Variants in MFRP observed in about 807,000 individuals in gnomAD.
The protein encoded by MFRP is membrane frizzled-related protein.
A neutral mutation model predicts 65.8 loss-of-function variants in MFRP; 74 were observed. The observed-to-expected ratio is 1.12, with a 90% CI of 0.93 to 1.36. MFRP has a LOEUF of 1.36. Among genes scored for constraint, MFRP ranks in the 40% most tolerant of loss-of-function variants. The pLI is 0.00. For missense variants in MFRP, 838 were observed against 736.0 expected (o/e 1.14, Z -1.60); for synonymous variants, 336 against 288.3 (o/e 1.17, Z -1.68).
At position 119,340,483 on chromosome 11, in the gene MFRP, G is replaced by C. The variant is rs1295578669; in HGVS notation, c.*854-43C>G. 3.6e-6 allele frequency: 5 copies of C among 1,398,912 alleles called. No homozygotes were observed. In the African/African-American group the frequency reaches 7.3e-5, roughly 20 times the overall value. 86.7% of individuals were successfully genotyped at this position (1,398,912 alleles called of 1,614,324 possible). A position where few individuals can be genotyped will look rare whatever the true frequency, so the allele number is the denominator to read the frequency against. ...CTGGAGTCGGGACCCAGAATCCTGGGACCTGCCTCTCTCCCCACCCCGGCG... is the reference window on the plus strand; with the variant it reads ...CTGGAGTCGGGACCCAGAATCCTGGCACCTGCCTCTCTCCCCACCCCGGCG... On this transcript the variant is annotated intron_variant, in intron 13 of 14. Transcript: ENST00000619721.
In MFRP at chr11:119,345,440, C is replaced by T; in HGVS notation, c.621G>A (p.Glu207=). 1 of 1,613,930 alleles carries T rather than the reference C, an allele frequency of 6.2e-7. No individual in the cohort carries two copies. Among genetic ancestry groups the T allele is most frequent in the Non-Finnish European group, 8.5e-7 (1 of 1,180,030 alleles). ...CCTACCTGAGGAGGGGGCCTTCAGG[C>T]TCAGGGGAGAGTTCCAAGCGATCAA... ...CLFDRLELSP[E]PEGPLLRVCG... is the part of the protein sequence containing the mutation. The change falls in exon 5 of 15, where the codon GAG becomes GAA. Residue 207 remains glutamate, a synonymous_variant. Coordinates refer to ENST00000619721, the MANE Select transcript of MFRP (RefSeq NM_031433.4).
rs1182145110 is a variant in MFRP at position 119,339,589 on chromosome 11, G to C, written c.*1370C>G. The C allele has an allele frequency of 3.7e-6, 6 of 1,613,254 alleles. No homozygotes were observed. Among genetic ancestry groups the C allele is most frequent in the Non-Finnish European group, 5.1e-6 (6 of 1,180,054 alleles). ...CAAACTGCAGGCTGGCCCGGTAGAC[G>C]GTGGCATGGACGGCGAAGTAGTAGA... On this transcript the variant is annotated 3_prime_UTR_variant, in exon 15 of 15. Coordinates refer to ENST00000619721, the MANE Select transcript of MFRP (RefSeq NM_031433.4). This position sits in a 1 kb window ranked among gnomAD's most constrained non-coding sequence, Gnocchi z 5.4.
rs772919300 is a variant in MFRP at position 119,346,155 on chromosome 11, C to T, written c.162G>A (p.Arg54=). The T allele has an allele frequency of 4.4e-6, 7 of 1,590,464 alleles. No individual in the cohort carries two copies. In the African/African-American group the frequency reaches 9.4e-5, roughly 21 times the overall value. ...SYSVPAPWHG[R]RPRGLRPDCR... ...AGTCTGGCCGTAGCCCTCGAGGACGCCGACCTGCGGGTTGGCAGGTGGGGT... is the reference window on the plus strand; with the variant it reads ...AGTCTGGCCGTAGCCCTCGAGGACGTCGACCTGCGGGTTGGCAGGTGGGGT... The change falls in exon 3 of 15, where the codon CGG becomes CGA. Residue 54 remains arginine (R), a synonymous_variant. Transcript: ENST00000619721.
In MFRP at chr11:119,339,397, C is replaced by T; in HGVS notation, c.*1562G>A. The T allele has an allele frequency of 6.2e-7, 1 of 1,613,202 alleles. No homozygotes were observed. Among genetic ancestry groups the T allele is most frequent in the Non-Finnish European group, 8.5e-7 (1 of 1,179,382 alleles). Reference sequence around the variant, plus strand: ...GAAATCCGGAGAAGGTGCTGTCTGTCTTGATGCTGGCATAGATGCCAATGT... The same window carrying T: ...GAAATCCGGAGAAGGTGCTGTCTGTTTTGATGCTGGCATAGATGCCAATGT... On this transcript the variant is annotated 3_prime_UTR_variant, in exon 15 of 15. Transcript: ENST00000619721. The surrounding 1 kb of genome is among the most constrained non-coding windows in gnomAD (Gnocchi z 5.4).
At position 119,345,622 on chromosome 11, in the gene MFRP, G is replaced by A. The variant is rs761234644; in HGVS notation, c.439C>T (p.Leu147Phe). 3.1e-6 allele frequency: 5 copies of A among 1,613,668 alleles called. No individual in the cohort carries two copies. Among genetic ancestry groups the A allele is most frequent in the South Asian group, 1.1e-5 (1 of 91,072 alleles). The change falls in exon 5 of 15, where the codon CTC (leucine) becomes TTC (phenylalanine). Residue 147 changes from leucine (L) to phenylalanine (F), a missense_variant. Physicochemically the swap from Leu to Phe is conservative, Grantham distance 22. Coordinates refer to ENST00000619721, the MANE Select transcript of MFRP (RefSeq NM_031433.4). Reference protein sequence around the residue: ...SPSPQSTCGGLLSGPRGFFSS... With the variant: ...SPSPQSTCGGFLSGPRGFFSS... ...AAGAAGCCCCTTGGGCCAGAGAGGA[G>A]GCCTCCACAGGCTGCAGAGATGGAG...
In MFRP at chr11:119,339,168, C is replaced by T. The variant is rs1207106569; in HGVS notation, c.*1791G>A. The T allele has an allele frequency of 1.3e-6, 1 of 761,034 alleles. No homozygotes were observed. The highest frequency in any genetic ancestry group is 1.8e-5 in the African/African-American group (1 of 56,974). The allele number at this position is 761,034 out of a possible 1,614,324, so 47.1% of individuals were successfully genotyped here. Reference sequence around the variant, plus strand: ...TGCTGCCAGACCTGATCGCAGACAGCCACTGTTCCCATTCCTTGCCAGCAG... The same window carrying T: ...TGCTGCCAGACCTGATCGCAGACAGTCACTGTTCCCATTCCTTGCCAGCAG... On this transcript the variant is annotated 3_prime_UTR_variant, in exon 15 of 15. Transcript: ENST00000619721. This position sits in a 1 kb window ranked among gnomAD's most constrained non-coding sequence, Gnocchi z 5.4.
Position 119,344,734 on chromosome 11 carries a change from G to T in MFRP, c.796C>A (p.Arg266Ser), listed in dbSNP as rs138295825. 1.2e-6 allele frequency: 2 copies of T among 1,613,878 alleles called. No homozygotes were observed. Among genetic ancestry groups the T allele is most frequent in the South Asian group, 1.1e-5 (1 of 91,092 alleles). ...AGCAGGCAGATGAGCTGGTCACAGC[G>T]GAACTCATCATGGGCACAGCTCCCT... ...GRGSCAHDEF[R>S]CDQLICLLPD... The change falls in exon 7 of 15, where the codon CGC becomes AGC. Residue 266 changes from arginine to serine, a missense_variant. Arg to Ser is a moderately radical substitution (Grantham distance 110, BLOSUM62 -1). Transcript: ENST00000619721.
In MFRP at chr11:119,346,323, G is replaced by T. The variant is rs757302259; in HGVS notation, c.106C>A (p.Pro36Thr). 6.2e-7 allele frequency: 1 copy of T among 1,614,044 alleles called. No homozygotes were observed. The highest frequency in any genetic ancestry group is 8.5e-7 in the Non-Finnish European group (1 of 1,179,994). The change falls in exon 2 of 15, where the codon CCC (proline) becomes ACC (threonine). Residue 36 changes from proline to threonine, a missense_variant. By Grantham distance (38) the Pro-to-Thr change is conservative. Transcript: ENST00000619721. ...FEPESGPPCP[P>T]PVFPEDASYS... ...CTGGCATCCTCTGGGAAAACTGGGGGAGGGCAGGGTGGCCCAGACTCAGGC... is the reference window on the plus strand; with the variant it reads ...CTGGCATCCTCTGGGAAAACTGGGGTAGGGCAGGGTGGCCCAGACTCAGGC...
chr11:119,341,947 G>A lies in MFRP; in HGVS notation c.1425C>T (p.Leu475=), dbSNP rs369711800. The change falls in exon 12 of 15, where the codon CTC becomes CTT. Residue 475 remains leucine (L), a synonymous_variant. Coordinates refer to ENST00000619721, the MANE Select transcript of MFRP (RefSeq NM_031433.4). The part of the protein sequence containing the change: ...ACEPVQVEMC[L]GLSYNTTAFP... The stretch of plus-strand genomic sequence containing the variant: ...AGGCTGTGGTGTTGTAGCTCAGACC[G>A]AGGCACATCTCCACCTGGACAGGCT... The A allele has an allele frequency of 8.1e-6, 13 of 1,613,934 alleles. No individual in the cohort carries two copies. The South Asian group carries it at 8.8e-5, about 11-fold the overall frequency.
At position 119,340,518 on chromosome 11, in the gene MFRP, C is replaced by T. The variant is rs986374395; in HGVS notation, c.*854-78G>A. 17 of 1,081,040 alleles carry T rather than the reference C, an allele frequency of 1.6e-5. No homozygotes were observed. In the Admixed American group the frequency reaches 3.3e-4, roughly 21 times the overall value. 67.0% of individuals were successfully genotyped at this position (1,081,040 alleles called of 1,614,324 possible). A position where few individuals can be genotyped will look rare whatever the true frequency, so the allele number is the denominator to read the frequency against. The stretch of plus-strand genomic sequence containing the variant: ...TCTCCCCACCCCGGCGCGGCCCAGT[C>T]GGTCCCCACCCCACTGCCGTGCCCC... On this transcript the variant is annotated intron_variant, in intron 13 of 14. Coordinates refer to ENST00000619721, the MANE Select transcript of MFRP (RefSeq NM_031433.4).
chr11:119,339,225 A>T lies in MFRP; in HGVS notation c.*1734T>A. 7.8e-7 allele frequency: 1 copy of T among 1,278,444 alleles called. No individual in the cohort carries two copies. The highest frequency in any genetic ancestry group is 1.1e-6 in the Non-Finnish European group (1 of 919,060). 79.2% of individuals were successfully genotyped at this position (1,278,444 alleles called of 1,614,324 possible). On this transcript the variant is annotated 3_prime_UTR_variant, in exon 15 of 15. Coordinates refer to ENST00000619721, the MANE Select transcript of MFRP (RefSeq NM_031433.4). This position sits in a 1 kb window ranked among gnomAD's most constrained non-coding sequence, Gnocchi z 5.4. ...GGAGAGTGCTCTACCCCACCTCCCTAGTCATTCACAATATTCCAGGGGGGC... is the reference window on the plus strand; with the variant it reads ...GGAGAGTGCTCTACCCCACCTCCCTTGTCATTCACAATATTCCAGGGGGGC...
In MFRP at chr11:119,344,865, C is replaced by T; in HGVS notation, c.772+9G>A. ...TGGACACTCAACAGGCAGGTGGGAA[C>T]ACACTCACCGCGCCCAGGGGCCATA... On this transcript the variant is annotated intron_variant, in intron 6 of 14. Transcript: ENST00000619721. The T allele has an allele frequency of 1.9e-6, 3 of 1,613,290 alleles. No homozygotes were observed. Among genetic ancestry groups the T allele is most frequent in the Non-Finnish European group, 2.5e-6 (3 of 1,179,964 alleles).
At chr11:119,346,192 C>T in intron 2 of MFRP, 33 bp from the exon 3 acceptor site, 2 of 1,569,364 alleles carry the variant, frequency 1.3e-6, no homozygotes, top group Non-Finnish European at 8.7e-7. Context: ...TTGAAAGCCC[C>T]TTCTGTTGGG....
rs1204414000 is a variant in MFRP, at chr11:119,341,557, G to C, written c.1731C>G (p.Ala577=). Residue 577 remains alanine (A), a synonymous_variant, in exon 13 of 15, where the codon GCC becomes GCG. Coordinates refer to ENST00000619721, the MANE Select transcript of MFRP (RefSeq NM_031433.4). ...GGGGCCGGCTTCAGGGTCAGGGCTG[G>C]GCACAAGCTTCCAGGTCAGCTGCCT... The part of the protein sequence containing the change: ...LPEAADLEAC[A]QP 7.4e-6 allele frequency: 12 copies of C among 1,612,416 alleles called. No individual in the cohort carries two copies. The highest frequency in any genetic ancestry group is 1.1e-5 in the South Asian group (1 of 91,070).
In MFRP at chr11:119,339,206, T is replaced by A. The variant is rs11217240; in HGVS notation, c.*1753A>T. The A allele has an allele frequency of 9.3e-7, 1 of 1,072,852 alleles. No homozygotes were observed. The highest frequency in any genetic ancestry group is 2.6e-5 in the East Asian group (1 of 38,852). 66.5% of individuals were successfully genotyped at this position (1,072,852 alleles called of 1,614,324 possible). A position where few individuals can be genotyped will look rare whatever the true frequency, so the allele number is the denominator to read the frequency against. ...TCCTTGCCAGCAGCAGGACGGAGAGTGCTCTACCCCACCTCCCTAGTCATT... is the reference window on the plus strand; with the variant it reads ...TCCTTGCCAGCAGCAGGACGGAGAGAGCTCTACCCCACCTCCCTAGTCATT... On this transcript the variant is annotated 3_prime_UTR_variant, in exon 15 of 15. Transcript: ENST00000619721. The surrounding 1 kb of genome is among the most constrained non-coding windows in gnomAD (Gnocchi z 5.4).
chr11:119,345,733 C>A, intron 4 of MFRP, 40 bp downstream of exon 4: 1 of 1,613,254 alleles, frequency 6.2e-7, no homozygotes, highest in Non-Finnish European at 8.5e-7. Flanking sequence ...ACCCCGTCAT[C>A]TTGGGCCCTT....
intron 9 of MFRP, 43 bp from the exon 10 acceptor site, chr11:119,343,046 A>G (rs770435312): frequency 3.5e-5 from 55 of 1,564,626 alleles, no homozygotes; most frequent in Non-Finnish European, 4.4e-5. Flanking sequence ...GCCCTGGCTG[A>G]CTGAGGGGGC....
intron 7 of MFRP, 91 bp downstream of exon 7, chr11:119,344,540 AG>A (rs111623941): frequency 5.8e-5 from 92 of 1,598,622 alleles, no homozygotes; most frequent in Middle Eastern, 1.8e-4. Flanking sequence ...ATGCTGACGG[AG>A]GGCCCGGTTT....
chr11:119,339,348 A>C lies in MFRP; in HGVS notation c.*1611T>G, dbSNP rs1591299012. 6.2e-7 allele frequency: 1 copy of C among 1,612,698 alleles called. No homozygotes were observed. Among genetic ancestry groups the C allele is most frequent in the Non-Finnish European group, 8.5e-7 (1 of 1,179,220 alleles). On this transcript the variant is annotated 3_prime_UTR_variant, in exon 15 of 15. Coordinates refer to ENST00000619721, the MANE Select transcript of MFRP (RefSeq NM_031433.4). The surrounding 1 kb of genome is among the most constrained non-coding windows in gnomAD (Gnocchi z 5.4). The stretch of plus-strand genomic sequence containing the variant: ...AGTGGGCACTAAGCAAAGACTGGGG[A>C]GCTGTGCCAGTCGGAGTACACCAGA...
Sources: allele counts gnomAD v4.1 joint callset, GRCh38; gene constraint gnomAD v4.1.1; non-coding constraint Gnocchi (gnomAD v3.1); transcripts MANE v1.5; gene names NCBI Gene and HGNC (gene_info 2026-07-23, HGNC 2026-07-21).